GRIK4: variants seen among roughly 807,000 people sequenced by gnomAD.
GRIK4 encodes glutamate receptor ionotropic, kainate 4.
GRIK4 carries 40 observed loss-of-function variants against 104.9 expected under a neutral mutation model. The ratio of observed to expected loss-of-function variants is 0.38; its 90% CI spans 0.30 to 0.50. The LOEUF is 0.50. Among genes scored for constraint, GRIK4 ranks in the 20% least tolerant of loss-of-function variants. The probability of loss-of-function intolerance (pLI) is 0.93; values close to 1 mark genes in which losing one functional copy is unlikely to be tolerated. For synonymous variants in GRIK4, 485 were observed against 524.9 expected, an observed-to-expected ratio of 0.92 and a Z score of 1.04; for missense variants, 1,047 against 1,308.1, an observed-to-expected ratio of 0.80 and a Z score of 3.08.
At chr11:120,619,623 C>T (rs1949159988) in intron 1 of GRIK4, among the ~76,000 whole-genome samples, 1 of 152,042 alleles carries the variant, frequency 6.6e-6, no homozygotes. Flanking sequence ...GGTGGATTTC[C>T]CTGTTGGTGC....
At chr11:120,568,437 G>A (rs921563646) in intron 1 of GRIK4, among the ~76,000 whole-genome samples, 2 of 151,718 alleles carry the variant, frequency 1.3e-5, no homozygotes, top group Non-Finnish European at 2.9e-5. Context: ...GCCCAGGCTG[G>A]AGTGCAGTGG....
At chr11:120,912,752 T>C (rs1466115022) in intron 13 of GRIK4, among the ~76,000 whole-genome samples, 1 of 152,222 alleles carries the variant, frequency 6.6e-6, no homozygotes, top group Non-Finnish European at 1.5e-5. Flanking sequence ...ATGAAATCGC[T>C]TATGTAAGCA....
At chr11:120,637,957 A>G (rs1320946856) in intron 1 of GRIK4, among the ~76,000 whole-genome samples, 2 of 151,682 alleles carry the variant, frequency 1.3e-5, no homozygotes, top group African/African-American at 4.8e-5. Context: ...TCGGCTCACT[A>G]AAACCTCCGC....
intron 1 of GRIK4, among the ~76,000 whole-genome samples, chr11:120,560,101 G>A (rs1422013194): frequency 1.3e-5 from 2 of 151,860 alleles, no homozygotes; most frequent in Non-Finnish European, 2.9e-5. Context: ...CCAGGCTGGA[G>A]TGCAGTGTTG....
intron 13 of GRIK4, among the ~76,000 whole-genome samples, chr11:120,919,013 C>G (rs892213548): frequency 2.6e-5 from 4 of 152,196 alleles, no homozygotes; most frequent in African/African-American, 9.7e-5. Flanking sequence ...CAGGGTCACA[C>G]AGCTAACAAG....
chr11:120,568,203 A>G (rs1948354692), intron 1 of GRIK4, among the ~76,000 whole-genome samples: 1 of 151,934 alleles, frequency 6.6e-6, no homozygotes, highest in African/African-American at 2.4e-5. Context: ...AACAAACAAA[A>G]CAAACAACTC....
At chr11:120,655,719 C>T (rs771658045) in intron 2 of GRIK4, among the ~76,000 whole-genome samples, 8 of 152,132 alleles carry the variant, frequency 5.3e-5, no homozygotes, top group Non-Finnish European at 1.0e-4. Flanking sequence ...CTGTCAGGAT[C>T]TGGGGACTTA....
At chr11:120,526,603 T>C (rs992750041) in intron 1 of GRIK4, among the ~76,000 whole-genome samples, 2 of 152,122 alleles carry the variant, frequency 1.3e-5, no homozygotes, top group Non-Finnish European at 2.9e-5. Flanking sequence ...GAGGATGAGG[T>C]TGGTGGATCA....
intron 1 of GRIK4, among the ~76,000 whole-genome samples, chr11:120,616,347 A>G (rs1949114163): frequency 6.6e-6 from 1 of 152,218 alleles, no homozygotes; most frequent in Admixed American, 6.5e-5. Flanking sequence ...GGTGCACCTT[A>G]GCTGGAGCTC....
intron 1 of GRIK4, among the ~76,000 whole-genome samples, chr11:120,554,361 G>C (rs1948167690): frequency 6.6e-6 from 1 of 152,218 alleles, no homozygotes; most frequent in Non-Finnish European, 1.5e-5. Flanking sequence ...AGTAAGTGCA[G>C]GTGGGGTCAG....
chr11:120,904,357 ACCCACAC>A (rs1031114302), intron 12 of GRIK4, among the ~76,000 whole-genome samples: 2 of 152,080 alleles, frequency 1.3e-5, no homozygotes, highest in Non-Finnish European at 2.9e-5. Context: ...GGCTCTGAGG[ACCCACAC>A]CCAACCAACC....
chr11:120,573,718 G>A (rs1948435407), intron 1 of GRIK4, among the ~76,000 whole-genome samples: 1 of 152,220 alleles, frequency 6.6e-6, no homozygotes, highest in African/African-American at 2.4e-5. Flanking sequence ...GCAGGTGCTG[G>A]TCCTGGCTTC....
At chr11:120,529,777 C>T (rs1406660702) in intron 1 of GRIK4, among the ~76,000 whole-genome samples, 1 of 152,234 alleles carries the variant, frequency 6.6e-6, no homozygotes, top group Non-Finnish European at 1.5e-5. Context: ...CTTTCACATC[C>T]AGCATCTCAT....
At chr11:120,790,217 A>G (rs1182384413) in intron 3 of GRIK4, among the ~76,000 whole-genome samples, 6 of 152,222 alleles carry the variant, frequency 3.9e-5, no homozygotes, top group Non-Finnish European at 7.3e-5. Context: ...TTCTCTGCAT[A>G]CATAGTGCCT....
chr11:120,930,618 C>G (rs934257077), intron 13 of GRIK4, among the ~76,000 whole-genome samples: 1 of 152,184 alleles, frequency 6.6e-6, no homozygotes, highest in African/African-American at 2.4e-5. Context: ...ATTGCCTTCT[C>G]TCTTTGGCGA....
intron 5 of GRIK4, among the ~76,000 whole-genome samples, chr11:120,817,013 C>T (rs897222613): frequency 2.6e-5 from 4 of 152,214 alleles, no homozygotes; most frequent in Non-Finnish European, 5.9e-5. Flanking sequence ...TCTTGCGGCA[C>T]TCTGAGAAAC....
At chr11:120,624,456 C>T (rs1166039851) in intron 1 of GRIK4, among the ~76,000 whole-genome samples, 1 of 152,138 alleles carries the variant, frequency 6.6e-6, no homozygotes, top group African/African-American at 2.4e-5. Flanking sequence ...CCTTTGGCCT[C>T]CTCCTTGTCC....
chr11:120,738,421 G>A (rs1461742968), intron 3 of GRIK4, among the ~76,000 whole-genome samples: 5 of 152,234 alleles, frequency 3.3e-5, no homozygotes, highest in African/African-American at 1.2e-4. Flanking sequence ...GGTCAGGAAA[G>A]CCCTTGACTG....
At chr11:120,534,884 G>C (rs1468505450) in intron 1 of GRIK4, among the ~76,000 whole-genome samples, 1 of 152,178 alleles carries the variant, frequency 6.6e-6, no homozygotes, top group Admixed American at 6.5e-5. Context: ...GAAGAGGTTA[G>C]GGTGACCAAC....
Sources: allele counts gnomAD v4.1 joint callset (sites outside exome capture counted in the v4.1 genomes callset), GRCh38; gene constraint gnomAD v4.1.1; transcripts MANE v1.5; gene names NCBI Gene and HGNC (gene_info 2026-07-23, HGNC 2026-07-21).